Variants in RIMS1 observed in about 807,000 individuals in gnomAD.
RIMS1 encodes the protein regulating synaptic membrane exocytosis protein 1.
In RIMS1, 83 loss-of-function variants were observed where a neutral mutation model predicts 214.1. That is an observed-to-expected ratio of 0.39 (90% CI 0.32 to 0.47). The LOEUF (loss-of-function observed/expected upper bound fraction) is 0.47. Among genes scored for constraint, RIMS1 ranks in the 20% least tolerant of loss-of-function variants. The probability of loss-of-function intolerance (pLI) is 0.99; values close to 1 mark genes in which losing one functional copy is unlikely to be tolerated. For synonymous variants in RIMS1, 793 were observed against 786.8 expected, an observed-to-expected ratio of 1.01 and a Z score of -0.13; for missense variants, 2,050 against 2,161.8, an observed-to-expected ratio of 0.95 and a Z score of 1.03.
intron 22 of RIMS1, 188 bp downstream of exon 22, chr6:72,266,237 T>C (rs946991249): frequency 1.2e-5 from 7 of 603,346 alleles, no homozygotes; most frequent in Non-Finnish European, 2.1e-5. Flanking sequence ...AACCCAAGGG[T>C]ACACATACAC....
At chr6:72,091,743 T>C (rs1162312064) in intron 2 of RIMS1, among the ~76,000 whole-genome samples, 3 of 152,198 alleles carry the variant, frequency 2.0e-5, no homozygotes, top group Non-Finnish European at 4.4e-5. Context: ...AGTTTCAATA[T>C]CAATGCTTTT....
chr6:71,987,881 A>G (rs1027439139), intron 2 of RIMS1, among the ~76,000 whole-genome samples: 1 of 152,104 alleles, frequency 6.6e-6, no homozygotes, highest in African/African-American at 2.4e-5. Flanking sequence ...TGCTGTTGTC[A>G]TATTTCTCAA....
At chr6:72,072,161 T>A (rs1192046302) in intron 2 of RIMS1, among the ~76,000 whole-genome samples, 1 of 152,156 alleles carries the variant, frequency 6.6e-6, no homozygotes, top group Non-Finnish European at 1.5e-5. Context: ...GAAGGAAATT[T>A]AGATTAAATT....
chr6:72,009,609 T>A (rs1809493951), intron 2 of RIMS1, among the ~76,000 whole-genome samples: 1 of 150,696 alleles, frequency 6.6e-6, no homozygotes, highest in Admixed American at 6.6e-5. Flanking sequence ...GAGAGAAGAA[T>A]CAAATAGACT....
chr6:72,171,325 T>C (rs1037247283), intron 4 of RIMS1, among the ~76,000 whole-genome samples: 2 of 148,672 alleles, frequency 1.3e-5, no homozygotes, highest in African/African-American at 2.5e-5. Flanking sequence ...TACATACATA[T>C]ATAATGTATA....
intron 1 of RIMS1, among the ~76,000 whole-genome samples, chr6:71,959,716 C>A (rs1051406011): frequency 5.9e-5 from 9 of 151,692 alleles, no homozygotes; most frequent in Admixed American, 5.9e-4. Context: ...GCTTACAACT[C>A]GAAATATTCT....
At chr6:72,025,651 T>C (rs1170271677) in intron 2 of RIMS1, among the ~76,000 whole-genome samples, 2 of 152,208 alleles carry the variant, frequency 1.3e-5, no homozygotes, top group African/African-American at 4.8e-5. Context: ...GACCTTTTTG[T>C]ACTAGTTATC....
At chr6:72,304,197 A>G (rs62407504) in intron 26 of RIMS1, among the ~76,000 whole-genome samples, 2,977 of 151,856 alleles carry the variant, frequency 0.02, 55 homozygotes, top group Middle Eastern at 0.031. Flanking sequence ...TTACAATACT[A>G]TTAACATTCA....
chr6:71,918,178 G>A (rs550359162), intron 1 of RIMS1, among the ~76,000 whole-genome samples: 78 of 152,232 alleles, frequency 5.1e-4, no homozygotes, highest in African/African-American at 1.9e-3. Context: ...GAAGAAGAGA[G>A]GAGAGGTGAA....
intron 1 of RIMS1, among the ~76,000 whole-genome samples, chr6:71,903,021 A>C (rs1248901631): frequency 2.0e-5 from 3 of 152,134 alleles, no homozygotes. Context: ...ATGATGATTT[A>C]TATTCCTTTG....
intron 6 of RIMS1, among the ~76,000 whole-genome samples, chr6:72,224,815 A>G (rs2807535): frequency 0.71 from 107,254 of 152,124 alleles, 38,702 homozygotes; most frequent in East Asian, 0.98. Context: ...TTGAAAGAAC[A>G]TGACTTTATA....
At chr6:72,122,640 G>T (rs770193299) in intron 4 of RIMS1, among the ~76,000 whole-genome samples, 12 of 151,624 alleles carry the variant, frequency 7.9e-5, no homozygotes, top group Non-Finnish European at 8.9e-5. Flanking sequence ...ATTAATTATT[G>T]CCTCAATTTC....
At chr6:72,125,492 G>T (rs1484784186) in intron 4 of RIMS1, among the ~76,000 whole-genome samples, 1 of 152,222 alleles carries the variant, frequency 6.6e-6, no homozygotes, top group Non-Finnish European at 1.5e-5. Context: ...CAAACTCCAT[G>T]CTAGGAGATC....
At chr6:72,146,518 G>A (rs958738534) in intron 4 of RIMS1, among the ~76,000 whole-genome samples, 4 of 152,110 alleles carry the variant, frequency 2.6e-5, no homozygotes, top group African/African-American at 9.7e-5. Context: ...ACAAATTTTT[G>A]TTAAAGAGAA....
chr6:72,394,066 T>C (rs1474853950), intron 31 of RIMS1, among the ~76,000 whole-genome samples: 1 of 151,582 alleles, frequency 6.6e-6, no homozygotes, highest in Non-Finnish European at 1.5e-5. Flanking sequence ...AACAAATGCT[T>C]CCTCACAAGG....
intron 28 of RIMS1, among the ~76,000 whole-genome samples, chr6:72,318,479 A>G (rs1446193724): frequency 6.6e-6 from 1 of 152,146 alleles, no homozygotes; most frequent in African/African-American, 2.4e-5. Flanking sequence ...TCGCTGTGCT[A>G]CTATCCCTCC....
At chr6:72,259,233 C>A in intron 18 of RIMS1, 122 bp downstream of exon 18, 1 of 641,212 alleles carries the variant, frequency 1.6e-6, no homozygotes, top group Non-Finnish European at 2.5e-6. Flanking sequence ...GAGCTGCTCT[C>A]AAGCAACAAC....
chr6:71,919,280 A>T (rs1419006070), intron 1 of RIMS1, among the ~76,000 whole-genome samples: 1 of 152,132 alleles, frequency 6.6e-6, no homozygotes, highest in African/African-American at 2.4e-5. Flanking sequence ...CAGTCAATAA[A>T]TGTGGACGAC....
intron 2 of RIMS1, among the ~76,000 whole-genome samples, chr6:72,021,207 A>G (rs1814559508): frequency 1.3e-5 from 2 of 152,176 alleles, no homozygotes; most frequent in African/African-American, 4.8e-5. Flanking sequence ...TGAGACCATA[A>G]TTTTTTTAAA....
Sources: gnomAD v4.1 joint callset for allele counts (sites outside exome capture counted in the v4.1 genomes callset) on GRCh38, gnomAD v4.1.1 for gene constraint, MANE v1.5 for transcripts, NCBI Gene and HGNC (gene_info 2026-07-23, HGNC 2026-07-21) for gene names.